GUCY2F: variants seen among roughly 807,000 people sequenced by gnomAD.
GUCY2F encodes guanylate cyclase 2F, retinal, also known as retinal guanylyl cyclase 2.
A neutral mutation model predicts 73.1 loss-of-function variants in GUCY2F; 61 were observed. That is an observed-to-expected ratio of 0.83 (90% CI 0.68 to 1.03). GUCY2F has a LOEUF of 1.03. GUCY2F is among the 50% of genes least tolerant of loss of function. GUCY2F has a pLI of 0.00. For synonymous variants in GUCY2F, 331 were observed against 307.8 expected, an observed-to-expected ratio of 1.08 and a Z score of -0.79; for missense variants, 912 against 854.3, an observed-to-expected ratio of 1.07 and a Z score of -0.84.
intron 8 of GUCY2F, among the ~76,000 whole-genome samples, chrX:109,411,415 C>G (rs1355759576): frequency 9.0e-6 from 1 of 111,448 alleles, no homozygotes. Context: ...CATGGTATAA[C>G]TTGTGCTCCA....
chrX:109,429,643 G>T (rs1198042076), intron 8 of GUCY2F, among the ~76,000 whole-genome samples: 2 of 111,434 alleles, frequency 1.8e-5, no homozygotes, highest in African/African-American at 6.5e-5. Flanking sequence ...TTTTAAAATT[G>T]CACTTTCAAG....
chrX:109,435,025 T>G (rs1482492343), intron 7 of GUCY2F, among the ~76,000 whole-genome samples: 1 of 110,608 alleles, frequency 9.0e-6, no homozygotes, highest in Non-Finnish European at 1.9e-5. Context: ...TTTTGGTTAC[T>G]GTAGCCTTGT....
At chrX:109,373,541 T>C (rs956246003) in intron 19 of GUCY2F, among the ~76,000 whole-genome samples, 1 of 112,050 alleles carries the variant, frequency 8.9e-6, no homozygotes, top group African/African-American at 3.2e-5. Flanking sequence ...TTCATACTTA[T>C]TTTCACCCTT....
intron 2 of GUCY2F, among the ~76,000 whole-genome samples, chrX:109,469,860 G>A (rs1374006635): frequency 9.0e-6 from 1 of 111,492 alleles, no homozygotes; most frequent in Non-Finnish European, 1.9e-5. Flanking sequence ...CTGTGACTCA[G>A]TGCAGGAGGC....
At chrX:109,394,875 A>T in intron 12 of GUCY2F, among the ~76,000 whole-genome samples, 1 of 112,043 alleles carries the variant, frequency 8.9e-6, no homozygotes, top group Non-Finnish European at 1.9e-5. Context: ...ACACCCTTTC[A>T]AACACTCCAT....
chrX:109,403,994 C>T (rs1177445023), intron 10 of GUCY2F, among the ~76,000 whole-genome samples: 1 of 112,363 alleles, frequency 8.9e-6, no homozygotes, highest in East Asian at 2.8e-4. Flanking sequence ...TTCCAAATTA[C>T]TCTCCATTCA....
At chrX:109,436,569 A>T (rs1251398537) in intron 7 of GUCY2F, among the ~76,000 whole-genome samples, 1 of 112,199 alleles carries the variant, frequency 8.9e-6, no homozygotes, top group African/African-American at 3.2e-5. Context: ...GATTAAGAAA[A>T]TGTGGCACAT....
chrX:109,398,781 G>T, intron 10 of GUCY2F, 83 bp from the exon 11 acceptor site: 1 of 866,809 alleles, frequency 1.2e-6, no homozygotes, highest in Non-Finnish European at 1.6e-6. Context: ...AGAGGGTACT[G>T]TTTTATTGAC....
intron 15 of GUCY2F, among the ~76,000 whole-genome samples, chrX:109,387,506 G>T (rs1231589935): frequency 2.7e-5 from 3 of 112,359 alleles, no homozygotes; most frequent in South Asian, 7.4e-4. Context: ...CTGCACTAAA[G>T]CTGTGGAGTT....
Position 109,391,370 on chromosome X carries a change from A to G in GUCY2F, c.2781+541T>C, listed in dbSNP as rs755360891. Among the ~76,000 whole-genome samples the G allele has an allele frequency of 3.6e-5, 4 of 111,300 alleles. No homozygotes were observed. In the East Asian group the frequency reaches 1.1e-3, roughly 32 times the overall value. ...ATAGGCAGCTTTTCGGTTACCCTGTAGCAATCCCAAAGAGCCTCGAGTCTA... is the reference window on the plus strand; with the variant it reads ...ATAGGCAGCTTTTCGGTTACCCTGTGGCAATCCCAAAGAGCCTCGAGTCTA... On this transcript the variant is annotated intron_variant, in intron 14 of 19. Transcript: ENST00000218006.
chrX:109,394,136 C>T (rs1281416612), intron 12 of GUCY2F, among the ~76,000 whole-genome samples: 2 of 112,068 alleles, frequency 1.8e-5, no homozygotes, highest in Non-Finnish European at 3.8e-5. Context: ...AGTTAGGTGG[C>T]TAGCCTTGTC....
Position 109,465,147 on chromosome X carries a change from C to G in GUCY2F, c.1027G>C (p.Asp343His). The change falls in exon 3 of 20, where the codon GAT (aspartate) becomes CAT (histidine). Residue 343 changes from aspartate (D) to histidine (H), a missense_variant. By Grantham distance (81) the Asp-to-His change is moderately conservative. Transcript: ENST00000218006. ...RGEIPEKLEF[D>H]QVSPLFGTIY... is the part of the protein sequence containing the mutation. Reference sequence around the variant, plus strand: ...ACCTATGAATGTGTACTTACTTGATCGAACTCCAGCTTCTCAGGAATTTCA... The same window carrying G: ...ACCTATGAATGTGTACTTACTTGATGGAACTCCAGCTTCTCAGGAATTTCA... 8.3e-7 allele frequency: 1 copy of G among 1,202,552 alleles called. No individual in the cohort carries two copies.
chrX:109,459,514 A>G (rs1229997822), intron 3 of GUCY2F, among the ~76,000 whole-genome samples: 1 of 111,635 alleles, frequency 9.0e-6, no homozygotes, highest in East Asian at 2.8e-4. Flanking sequence ...GATTCAGAGC[A>G]GCTCCAGAGC....
chrX:109,382,310 T>G (rs1930336783), intron 16 of GUCY2F, 98 bp from the exon 17 acceptor site: 1 of 520,204 alleles, frequency 1.9e-6, no homozygotes. Context: ...GTAAATGAAC[T>G]AGACCATTAG....
chrX:109,448,061 C>T lies in GUCY2F; in HGVS notation c.1569+8G>A, dbSNP rs781778237. 9.0e-6 allele frequency: 8 copies of T among 890,730 alleles called. No individual in the cohort carries two copies. The highest frequency in any genetic ancestry group is 2.7e-4 in the Middle Eastern group (1 of 3,764). 73.4% of individuals were successfully genotyped at this position (890,730 alleles called of 1,213,427 possible). On this transcript the variant is annotated splice_region_variant and intron_variant, in intron 6 of 19. Transcript: ENST00000218006. ...GACAGGGCAGCAAAAGAAGAGGATA[C>T]TCCTTACCTTACTGCCAAAGTGGGG...
intron 16 of GUCY2F, among the ~76,000 whole-genome samples, chrX:109,383,049 T>A (rs1437079444): frequency 5.4e-5 from 6 of 111,574 alleles, no homozygotes; most frequent in African/African-American, 2.0e-4. Context: ...AAAAAAAAGC[T>A]GATTACAACC....
At chrX:109,420,220 C>CA (rs749869638) in intron 8 of GUCY2F, among the ~76,000 whole-genome samples, 1,767 of 37,948 alleles carry the variant, frequency 0.047, 55 homozygotes, top group African/African-American at 0.14. Context: ...CTTAGGCCAC[C>CA]AAAAAAAAAA....
chrX:109,452,114 A>G lies in GUCY2F; in HGVS notation c.1388-7T>C, dbSNP rs772309652. The stretch of plus-strand genomic sequence containing the variant: ...GCAAAGGCAGGGTCGATGCCTGCAG[A>G]GAGTGAGAGGAAGAGGAAGAATGGC... On this transcript the variant is annotated splice_polypyrimidine_tract_variant and splice_region_variant and intron_variant, in intron 4 of 19. Transcript: ENST00000218006. 5 of 995,690 alleles carry G rather than the reference A, an allele frequency of 5.0e-6. No individual in the cohort carries two copies. Among genetic ancestry groups the G allele is most frequent in the Admixed American group, 4.4e-5 (2 of 45,361 alleles). The allele number at this position is 995,690 out of a possible 1,213,427, so 82.1% of individuals were successfully genotyped here.
chrX:109,376,729 T>C (rs1930189343), intron 17 of GUCY2F, among the ~76,000 whole-genome samples: 1 of 111,728 alleles, frequency 9.0e-6, no homozygotes, highest in African/African-American at 3.3e-5. Flanking sequence ...GTTACTTGGT[T>C]GTCAAGAACC....
Sources: allele counts gnomAD v4.1 joint callset (sites outside exome capture counted in the v4.1 genomes callset), GRCh38; gene constraint gnomAD v4.1.1; transcripts MANE v1.5; gene names NCBI Gene and HGNC (gene_info 2026-07-23, HGNC 2026-07-21).